The following SLC6A17 variants were observed in gnomAD, a reference collection of about 807,000 sequenced individuals.
SLC6A17 encodes solute carrier family 6 member 17.
In SLC6A17, 21 loss-of-function variants were observed where a neutral mutation model predicts 64.5. The observed-to-expected ratio is 0.33, with a 90% CI of 0.23 to 0.47. The LOEUF is 0.47. Among genes scored for constraint, SLC6A17 ranks in the 20% least tolerant of loss-of-function variants. The pLI is 1.00. For missense variants in SLC6A17, 682 were observed against 963.2 expected (o/e 0.71, Z 3.86); for synonymous variants, 372 against 399.5 (o/e 0.93, Z 0.82).
chr1:110,172,452 C>A, intron 3 of SLC6A17: 1 of 549,052 alleles, frequency 1.8e-6, no homozygotes, highest in Non-Finnish European at 3.1e-6. Flanking sequence ...GCCATTGGTG[C>A]TAAGGAGGAA....
chr1:110,164,050 T>C (rs1017214855), intron 1 of SLC6A17, among the ~76,000 whole-genome samples: 12 of 152,144 alleles, frequency 7.9e-5, no homozygotes, highest in Admixed American at 7.9e-4. Context: ...TCGATTTCTT[T>C]AGTATCCGGC....
At chr1:110,196,289 C>G (rs1342719312) in intron 10 of SLC6A17, among the ~76,000 whole-genome samples, 1 of 152,106 alleles carries the variant, frequency 6.6e-6, no homozygotes, top group Non-Finnish European at 1.5e-5. Flanking sequence ...ATACGTGTTC[C>G]CAGGAGTTCT....
At chr1:110,188,775 C>T (rs762495274) in intron 6 of SLC6A17, among the ~76,000 whole-genome samples, 9 of 152,230 alleles carry the variant, frequency 5.9e-5, no homozygotes, top group Non-Finnish European at 1.2e-4. Context: ...CCGGATACTG[C>T]CCTTCTCCTG....
At chr1:110,168,508 T>G (rs933103659) in intron 2 of SLC6A17, among the ~76,000 whole-genome samples, 3 of 152,234 alleles carry the variant, frequency 2.0e-5, no homozygotes, top group African/African-American at 7.2e-5. Context: ...GTCTCCTTGC[T>G]TGAAAGATCT....
chr1:110,167,261 C>G (rs368636459), intron 2 of SLC6A17, 46 bp downstream of exon 2: 2 of 1,572,720 alleles, frequency 1.3e-6, no homozygotes, highest in Non-Finnish European at 1.7e-6. Flanking sequence ...GCAAATAGGC[C>G]GGGGATGAGG....
chr1:110,179,719 A>T (rs1029130008), intron 6 of SLC6A17, among the ~76,000 whole-genome samples: 2 of 151,988 alleles, frequency 1.3e-5, no homozygotes, highest in Non-Finnish European at 2.9e-5. Flanking sequence ...ACACCTGAGT[A>T]ATTTTGCATT....
At position 110,200,243 on chromosome 1, in the gene SLC6A17, C is replaced by A; in HGVS notation, c.*1799C>A. ...CAACCCTGCCATCTCCCTTACTCAT[C>A]CCTCTTCCACAGCTTCCCCTTTCTA... On this transcript the variant is annotated 3_prime_UTR_variant, in exon 12 of 12. Coordinates refer to ENST00000331565, the MANE Select transcript of SLC6A17 (RefSeq NM_001010898.4). 1 of 396,882 alleles carries A rather than the reference C, an allele frequency of 2.5e-6. No homozygotes were observed. The highest frequency in any genetic ancestry group is 4.4e-6 in the Non-Finnish European group (1 of 225,600). 24.6% of individuals were successfully genotyped at this position (396,882 alleles called of 1,614,324 possible).
At chr1:110,177,439 C>T (rs1447459254) in intron 6 of SLC6A17, among the ~76,000 whole-genome samples, 5 of 152,194 alleles carry the variant, frequency 3.3e-5, no homozygotes, top group South Asian at 2.1e-4. Context: ...TCCCTAAAGA[C>T]GGTCTGTCTC....
chr1:110,175,871 T>C (rs892152615), intron 5 of SLC6A17, among the ~76,000 whole-genome samples: 1 of 152,186 alleles, frequency 6.6e-6, no homozygotes, highest in Non-Finnish European at 1.5e-5. Context: ...AACAACGTTA[T>C]GAGTTAGGGA....
At chr1:110,154,715 T>A (rs974894674) in intron 1 of SLC6A17, among the ~76,000 whole-genome samples, 7 of 152,206 alleles carry the variant, frequency 4.6e-5, no homozygotes, top group African/African-American at 1.7e-4. Flanking sequence ...CCGGTGGATG[T>A]TGCCCTGAGA....
intron 6 of SLC6A17, among the ~76,000 whole-genome samples, chr1:110,180,109 A>G (rs1459696708): frequency 6.6e-6 from 1 of 152,152 alleles, no homozygotes; most frequent in Admixed American, 6.5e-5. Context: ...AAAAATCAAC[A>G]TAAAAATAAA....
chr1:110,183,749 C>T (rs1056045175), intron 6 of SLC6A17, among the ~76,000 whole-genome samples: 2 of 152,090 alleles, frequency 1.3e-5, no homozygotes, highest in Non-Finnish European at 2.9e-5. Flanking sequence ...GGCTGGGCCA[C>T]GGCGCATGGA....
intron 2 of SLC6A17, chr1:110,168,221 C>G (rs1656125542): frequency 6.6e-6 from 1 of 152,264 alleles, no homozygotes; most frequent in Non-Finnish European, 1.5e-5. Flanking sequence ...ATGGCATGCT[C>G]CAGCCTGTTG....
chr1:110,186,664 G>GTC (rs571907418), intron 6 of SLC6A17, among the ~76,000 whole-genome samples: 2,034 of 112,062 alleles, frequency 0.018, 34 homozygotes, highest in African/African-American at 0.055. Context: ...CTTTTGTCTA[G>GTC]TCTCTCTCTC....
intron 1 of SLC6A17, among the ~76,000 whole-genome samples, chr1:110,163,695 A>T (rs1298143894): frequency 6.6e-6 from 1 of 152,136 alleles, no homozygotes; most frequent in Non-Finnish European, 1.5e-5. Flanking sequence ...CCTCACACAC[A>T]GCACAGCCGT....
chr1:110,197,980 A>C lies in SLC6A17; in HGVS notation c.1816-96A>C. The C allele has an allele frequency of 4.0e-6, 6 of 1,507,042 alleles. No homozygotes were observed. The South Asian group carries it at 4.0e-5, about 10-fold the overall frequency. The allele number at this position is 1,507,042 out of a possible 1,614,324, so 93.4% of individuals were successfully genotyped here. A position where few individuals can be genotyped will look rare whatever the true frequency, so the allele number is the denominator to read the frequency against. On this transcript the variant is annotated intron_variant, in intron 11 of 11. Coordinates refer to ENST00000331565, the MANE Select transcript of SLC6A17 (RefSeq NM_001010898.4). ...GATGGTGGGAGGGGAGAGGAGTGGA[A>C]GGCCATGGGTGAGGGCAGGAGAGCA...
rs917400718 is a variant in SLC6A17 at position 110,201,113 on chromosome 1, C to T, written c.*2669C>T. The T allele has an allele frequency of 6.6e-6, 1 of 152,190 alleles. No individual in the cohort carries two copies. The highest frequency in any genetic ancestry group is 1.5e-5 in the Non-Finnish European group (1 of 68,024). 9.4% of individuals were successfully genotyped at this position (152,190 alleles called of 1,614,324 possible). The stretch of plus-strand genomic sequence containing the variant: ...TTGCTGTTCCCAGTAGAATCGCTAG[C>T]TCTTCTCCAGAGGAAAAGTACTAGG... On this transcript the variant is annotated 3_prime_UTR_variant, in exon 12 of 12. Coordinates refer to ENST00000331565, the MANE Select transcript of SLC6A17 (RefSeq NM_001010898.4).
intron 6 of SLC6A17, among the ~76,000 whole-genome samples, chr1:110,179,654 A>G (rs1169366340): frequency 6.6e-6 from 1 of 151,472 alleles, no homozygotes; most frequent in East Asian, 1.9e-4. Flanking sequence ...CCCGGGTTCA[A>G]GCTATTCTCC....
At chr1:110,155,056 C>T (rs937431998) in intron 1 of SLC6A17, among the ~76,000 whole-genome samples, 12 of 152,142 alleles carry the variant, frequency 7.9e-5, no homozygotes, top group African/African-American at 2.4e-4. Flanking sequence ...TCTGAAAAAT[C>T]GCCATCCCCA....
Sources: allele counts gnomAD v4.1 joint callset (sites outside exome capture counted in the v4.1 genomes callset), GRCh38; gene constraint gnomAD v4.1.1; transcripts MANE v1.5; gene names NCBI Gene and HGNC (gene_info 2026-07-23, HGNC 2026-07-21).